The following DLG2 variants were observed in gnomAD, a reference collection of about 807,000 sequenced individuals.
The protein encoded by DLG2 is discs large MAGUK scaffold protein 2.
In DLG2, 45 loss-of-function variants were observed where a neutral mutation model predicts 132.5. The observed-to-expected ratio is 0.34, with a 90% CI of 0.27 to 0.44. The LOEUF (loss-of-function observed/expected upper bound fraction) is 0.44. Ranked by LOEUF, DLG2 falls within the 20% of genes least tolerant of loss-of-function variation. The pLI, the probability that DLG2 is intolerant of heterozygous loss-of-function variation, is 1.00. For missense variants in DLG2, 1,045 were observed against 1,196.9 expected, an observed-to-expected ratio of 0.87 and a Z score of 1.87; for synonymous variants, 424 against 419.6, an observed-to-expected ratio of 1.01 and a Z score of -0.13.
intron 2 of DLG2, among the ~76,000 whole-genome samples, chr11:85,619,477 AT>A (rs2081554757): frequency 6.6e-6 from 1 of 152,142 alleles, no homozygotes; most frequent in African/African-American, 2.4e-5. Context: ...TCAGTGCTTA[AT>A]TCTTTTGAGT....
intron 19 of DLG2, among the ~76,000 whole-genome samples, chr11:83,546,204 A>G (rs2096239554): frequency 1.3e-5 from 2 of 152,240 alleles, no homozygotes; most frequent in Admixed American, 1.3e-4. Flanking sequence ...ATACCTGGGT[A>G]CCCTAACAAA....
At chr11:85,537,990 C>G (rs1486350553) in intron 3 of DLG2, among the ~76,000 whole-genome samples, 2 of 151,842 alleles carry the variant, frequency 1.3e-5, no homozygotes, top group Non-Finnish European at 2.9e-5. Flanking sequence ...GTGGCAGGCA[C>G]CTGTAATCCC....
chr11:84,948,591 A>G (rs1474429795), intron 6 of DLG2, among the ~76,000 whole-genome samples: 1 of 152,234 alleles, frequency 6.6e-6, no homozygotes, highest in South Asian at 2.1e-4. Flanking sequence ...GAAGAACAGC[A>G]CATTTTATCA....
chr11:84,299,264 T>C (rs2098126807), intron 7 of DLG2, among the ~76,000 whole-genome samples: 1 of 152,208 alleles, frequency 6.6e-6, no homozygotes, highest in African/African-American at 2.4e-5. Flanking sequence ...ATCATTTAAA[T>C]CAGTAAGTGA....
In DLG2 at chr11:84,356,312, T is replaced by C. The variant is rs561705094; in HGVS notation, c.520-105021A>G. ...ACAAACATTTACTGAGTATCCACCA[T>C]ATGTGAGGCATTGTTCTAAGCCCTG... On this transcript the variant is annotated intron_variant, in intron 7 of 27. Coordinates refer to ENST00000376104, the MANE Select transcript of DLG2 (RefSeq NM_001142699.3). Among the ~76,000 whole-genome samples, 64 of 152,252 alleles carry C rather than the reference T, an allele frequency of 4.2e-4. 2 individuals are homozygous for C. The South Asian group carries it at 0.012, about 28-fold the overall frequency.
chr11:83,923,536 C>T (rs1447242541), intron 15 of DLG2, among the ~76,000 whole-genome samples: 4 of 152,050 alleles, frequency 2.6e-5, no homozygotes, highest in Admixed American at 6.6e-5. Context: ...CCCTTCCCTC[C>T]CATTGTTTTC....
chr11:84,214,329 T>G (rs1296023154), intron 8 of DLG2, among the ~76,000 whole-genome samples: 3 of 146,720 alleles, frequency 2.0e-5, no homozygotes, highest in Non-Finnish European at 4.4e-5. Flanking sequence ...TTATATATGT[T>G]TTTATGTGTA....
chr11:84,983,798 A>G lies in DLG2; in HGVS notation c.357+127863T>C, dbSNP rs561931532. On this transcript the variant is annotated intron_variant, in intron 6 of 27. Coordinates refer to ENST00000376104, the MANE Select transcript of DLG2 (RefSeq NM_001142699.3). ...TTCAGTGAAATAGACAGCATAAAGA[A>G]AAAACAGTCAAAACTTCAGGAAATA... Among the ~76,000 whole-genome samples the G allele has an allele frequency of 9.2e-5, 14 of 152,318 alleles. No homozygotes were observed. The East Asian group carries it at 2.7e-3, about 29-fold the overall frequency.
chr11:83,923,948 T>C (rs891080606), intron 15 of DLG2, among the ~76,000 whole-genome samples: 1 of 152,120 alleles, frequency 6.6e-6, no homozygotes, highest in Non-Finnish European at 1.5e-5. Context: ...AGATCTTCTA[T>C]GATACACAGC....
intron 6 of DLG2, among the ~76,000 whole-genome samples, chr11:84,899,051 T>G (rs2090558620): frequency 6.6e-6 from 1 of 152,052 alleles, no homozygotes; most frequent in African/African-American, 2.4e-5. Context: ...TGTGAATGAG[T>G]GAGTGACTTA....
intron 9 of DLG2, 117 bp from the exon 10 acceptor site, chr11:84,099,164 T>C (rs552032401): frequency 4.2e-5 from 38 of 907,676 alleles, no homozygotes; most frequent in Non-Finnish European, 5.9e-5. Context: ...AACAGTCTTG[T>C]ATGCTAAATC....
At position 85,314,495 on chromosome 11, in the gene DLG2, CATATAATAT is replaced by C. The variant is rs1379069472; in HGVS notation, c.41-29139_41-29131del. 2.0e-5 allele frequency among the ~76,000 whole-genome samples: 3 copies of C among 151,724 alleles called. No individual in the cohort carries two copies. The East Asian group carries it at 5.8e-4, about 29-fold the overall frequency. ...TATATTATACATGCACACACATATACATATAATATATATACATCCTAATTTTGTCAAATT... is the reference window on the plus strand; with the variant it reads ...TATATTATACATGCACACACATATACATATACATCCTAATTTTGTCAAATT... On this transcript the variant is annotated intron_variant, in intron 3 of 27. Transcript: ENST00000376104.
At chr11:84,842,675 G>A (rs1452174167) in intron 6 of DLG2, among the ~76,000 whole-genome samples, 2 of 151,906 alleles carry the variant, frequency 1.3e-5, no homozygotes, top group Non-Finnish European at 1.5e-5. Context: ...GTTGTGCGTA[G>A]TAGTAGGAGG....
At chr11:84,264,698 T>A (rs954354760) in intron 7 of DLG2, among the ~76,000 whole-genome samples, 9 of 152,190 alleles carry the variant, frequency 5.9e-5, no homozygotes, top group Non-Finnish European at 2.9e-5. Flanking sequence ...ATTTGTTTTA[T>A]AAAGGTTTTT....
At chr11:85,027,587 A>T (rs11234269) in intron 6 of DLG2, among the ~76,000 whole-genome samples, 79,191 of 152,076 alleles carry the variant, frequency 0.52, 21,057 homozygotes, top group East Asian at 0.69. Flanking sequence ...GCGAATGAGC[A>T]TGGGGTCCAG....
At position 83,994,554 on chromosome 11, in the gene DLG2, T is replaced by A. The variant is rs148613538; in HGVS notation, c.920-13912A>T. ...CCAGCTTCAAAACTAGTTTTTAAAA[T>A]GAATTACTGAACTAAATAAAAATCA... On this transcript the variant is annotated intron_variant, in intron 11 of 27. Coordinates refer to ENST00000376104, the MANE Select transcript of DLG2 (RefSeq NM_001142699.3). Among the ~76,000 whole-genome samples the A allele has an allele frequency of 1.2e-4, 19 of 152,234 alleles. No homozygotes were observed. In the East Asian group the frequency reaches 3.3e-3, roughly 26 times the overall value.
At chr11:85,284,840 G>T (rs766866522) in intron 4 of DLG2, among the ~76,000 whole-genome samples, 1 of 151,600 alleles carries the variant, frequency 6.6e-6, no homozygotes, top group South Asian at 2.1e-4. Context: ...TTATATTCTT[G>T]CCCCAGGATA....
chr11:85,197,452 C>A (rs2081154742), intron 4 of DLG2, among the ~76,000 whole-genome samples: 1 of 152,242 alleles, frequency 6.6e-6, no homozygotes. Context: ...CACCAAGAAC[C>A]ATTTTAAAGT....
chr11:84,142,530 T>G (rs1356169487), intron 9 of DLG2, among the ~76,000 whole-genome samples: 1 of 152,088 alleles, frequency 6.6e-6, no homozygotes, highest in Non-Finnish European at 1.5e-5. Context: ...GATAATAACA[T>G]TGCCTCTGGT....
Sources: allele counts gnomAD v4.1 joint callset (sites outside exome capture counted in the v4.1 genomes callset), GRCh38; gene constraint gnomAD v4.1.1; transcripts MANE v1.5; gene names NCBI Gene and HGNC (gene_info 2026-07-23, HGNC 2026-07-21).